CAPRIN1: variants seen among roughly 807,000 people sequenced by gnomAD.
CAPRIN1 encodes cell cycle associated protein 1.
CAPRIN1 carries 29 observed loss-of-function variants against 100.9 expected under a neutral mutation model. That is an observed-to-expected ratio of 0.29 (90% CI 0.21 to 0.39). The LOEUF (loss-of-function observed/expected upper bound fraction) is 0.39, where lower values mean the gene tolerates loss of function less well. Ranked by LOEUF, CAPRIN1 falls within the 10% of genes least tolerant of loss-of-function variation. CAPRIN1 has a pLI of 1.00. For synonymous variants in CAPRIN1, 338 were observed against 307.5 expected (o/e 1.10, Z -1.04); for missense variants, 795 against 876.7 (o/e 0.91, Z 1.18).
At chr11:34,057,640 T>G (rs951886030) in intron 2 of CAPRIN1, among the ~76,000 whole-genome samples, 1 of 152,192 alleles carries the variant, frequency 6.6e-6, no homozygotes, top group Non-Finnish European at 1.5e-5. Context: ...TGCAATACTT[T>G]TGCAAAAGGT....
intron 15 of CAPRIN1, among the ~76,000 whole-genome samples, chr11:34,092,337 C>T (rs1851279553): frequency 6.6e-6 from 1 of 150,398 alleles, no homozygotes; most frequent in Non-Finnish European, 1.5e-5. Flanking sequence ...AAATTTGTTA[C>T]TTGAATTACC....
intron 7 of CAPRIN1, among the ~76,000 whole-genome samples, chr11:34,081,483 G>A (rs1490343427): frequency 6.6e-6 from 1 of 151,148 alleles, no homozygotes; most frequent in East Asian, 1.9e-4. Context: ...ACAGGCATGA[G>A]CCACTGTGCC....
chr11:34,097,742 A>ACC lies in CAPRIN1; in HGVS notation c.2047_2048dup (p.Arg684HisfsTer21). 6.2e-7 allele frequency: 1 copy of ACC among 1,614,118 alleles called. No individual in the cohort carries two copies. The highest frequency in any genetic ancestry group is 8.5e-7 in the Non-Finnish European group (1 of 1,179,958). On this transcript the variant is annotated frameshift_variant, in exon 18 of 19. Coordinates refer to ENST00000341394, the MANE Select transcript of CAPRIN1 (RefSeq NM_005898.5). LOFTEE classifies it high-confidence loss of function. ...TCAAGCGAGGCTCTGGGCAGAGTGG[A>ACC]CCACGGGGAGCCCCACGAGGTAATA... is the stretch of plus-strand genomic sequence containing the variant.
intron 2 of CAPRIN1, among the ~76,000 whole-genome samples, chr11:34,064,327 CT>C (rs759718771): frequency 1.3e-4 from 20 of 152,178 alleles, no homozygotes; most frequent in Admixed American, 5.2e-4. Flanking sequence ...TTAGTTCATG[CT>C]GTAAATTTTA....
At position 34,076,303 on chromosome 11, in the gene CAPRIN1, G is replaced by A. The variant is rs199988323; in HGVS notation, c.434G>A (p.Arg145His). 3.8e-5 allele frequency: 62 copies of A among 1,614,088 alleles called. No individual in the cohort carries two copies. Among genetic ancestry groups the A allele is most frequent in the Non-Finnish European group, 4.6e-5 (54 of 1,180,042 alleles). ...QLMREEAEQK[R>H]LKTVLELQYV... The stretch of plus-strand genomic sequence containing the variant: ...ATGAGAGAAGAAGCTGAACAGAAAC[G>A]TTTAAAAACTGTACTTGAGCTACAG... The change falls in exon 5 of 19, where the codon CGT becomes CAT. Residue 145 changes from arginine to histidine, a missense_variant. Transcript: ENST00000341394.
At chr11:34,052,284 C>G in intron 1 of CAPRIN1, 137 bp from the exon 2 acceptor site, 3 of 720,834 alleles carry the variant, frequency 4.2e-6, no homozygotes, top group East Asian at 3.1e-5. Flanking sequence ...TCGAGGCGCG[C>G]CGCGCCCCCT....
chr11:34,079,903 A>G, intron 7 of CAPRIN1, 138 bp downstream of exon 7: 2 of 571,110 alleles, frequency 3.5e-6, no homozygotes, highest in Non-Finnish European at 5.4e-6. Flanking sequence ...AAGCATGACA[A>G]AGTTTTTTTT....
At chr11:34,063,236 A>T (rs766886309) in intron 2 of CAPRIN1, 1 of 152,186 alleles carries the variant, frequency 6.6e-6, no homozygotes, top group Non-Finnish European at 1.5e-5. Flanking sequence ...CTGATTGGAG[A>T]AAGGAAGAAA....
At chr11:34,072,061 T>C in intron 4 of CAPRIN1, 74 bp downstream of exon 4, 1 of 918,704 alleles carries the variant, frequency 1.1e-6, no homozygotes, top group Non-Finnish European at 1.7e-6. Flanking sequence ...TCCATTACTA[T>C]TGATAAGCTC....
Position 34,100,984 on chromosome 11 carries a change from CAA to C in CAPRIN1, c.*1620_*1621del. ...CAGTAGGTGCTCAGCTATTTAAAAA[CAA>C]AACTATTCTCAAACATTCATCATTA... On this transcript the variant is annotated 3_prime_UTR_variant, in exon 19 of 19. Transcript: ENST00000341394. 1 of 152,706 alleles carries C rather than the reference CAA, an allele frequency of 6.5e-6. No homozygotes were observed. Among genetic ancestry groups the C allele is most frequent in the Non-Finnish European group, 1.5e-5 (1 of 67,996 alleles). The allele number at this position is 152,706 out of a possible 1,614,324, so 9.5% of individuals were successfully genotyped here.
intron 7 of CAPRIN1, among the ~76,000 whole-genome samples, chr11:34,080,630 T>TA (rs2134116603): frequency 6.6e-6 from 1 of 152,364 alleles, no homozygotes; most frequent in African/African-American, 2.4e-5. Context: ...TGATAACTCT[T>TA]ATGTTGATGA....
Position 34,078,334 on chromosome 11 carries a change from C to T in CAPRIN1, c.689-1294C>T, listed in dbSNP as rs151087456. On this transcript the variant is annotated intron_variant, in intron 6 of 18. Transcript: ENST00000341394. ...TTTATTTTTCTTCACAGTGACCTAT[C>T]GGGGAGTGGCCCTACTATGTATCTA... is the stretch of plus-strand genomic sequence containing the variant. 6.1e-3 allele frequency among the ~76,000 whole-genome samples: 932 copies of T among 152,240 alleles called. 12 individuals are homozygous for T. The highest frequency in any genetic ancestry group is 0.021 in the African/African-American group (878 of 41,546).
chr11:34,081,070 A>C (rs1409855266), intron 7 of CAPRIN1, among the ~76,000 whole-genome samples: 3 of 152,230 alleles, frequency 2.0e-5, no homozygotes, highest in African/African-American at 4.8e-5. Flanking sequence ...TTGAACCTAA[A>C]GTAATTCTGG....
At chr11:34,076,785 G>GTGTA (rs1443437745) in intron 6 of CAPRIN1, 143 bp downstream of exon 6, 81 of 622,152 alleles carry the variant, frequency 1.3e-4, no homozygotes, top group Non-Finnish European at 5.6e-6. Context: ...CCAGGTTGGA[G>GTGTA]TGTAGTAGTG....
At chr11:34,054,354 T>A (rs1850403826) in intron 2 of CAPRIN1, among the ~76,000 whole-genome samples, 1 of 152,024 alleles carries the variant, frequency 6.6e-6, no homozygotes, top group Non-Finnish European at 1.5e-5. Flanking sequence ...AAATGTTGAA[T>A]GGAATAAGCA....
chr11:34,079,614 GTTC>G lies in CAPRIN1; in HGVS notation c.689-11_689-9del, dbSNP rs1160972036. The G allele has an allele frequency of 6.2e-7, 1 of 1,609,870 alleles. No homozygotes were observed. The highest frequency in any genetic ancestry group is 8.5e-7 in the Non-Finnish European group (1 of 1,176,662). On this transcript the variant is annotated splice_polypyrimidine_tract_variant and intron_variant, in intron 6 of 18. Transcript: ENST00000341394. ...AGATAAGTCTTACATTATAATTCAT[GTTC>G]TTTTTCTTAGATAAAGTTCTAAAGG...
intron 2 of CAPRIN1, chr11:34,053,119 A>G (rs1485336536): frequency 2.0e-6 from 2 of 997,622 alleles, no homozygotes; most frequent in Non-Finnish European, 1.2e-6. Flanking sequence ...CTCGGTTACC[A>G]TGCACTCGAG....
In CAPRIN1 at chr11:34,096,488, C is replaced by T; in HGVS notation, c.1715C>T (p.Thr572Ile). The change falls in exon 16 of 19, where the codon ACT (threonine) becomes ATT (isoleucine). Residue 572 changes from threonine (T) to isoleucine (I), a missense_variant. Thr to Ile is a moderately conservative substitution (Grantham distance 89). Coordinates refer to ENST00000341394, the MANE Select transcript of CAPRIN1 (RefSeq NM_005898.5). ...CTTTTTTAAATTATAGTGGTTGGCA[C>T]TTACCATGGTTCCCCAGACCAGTCC... is the stretch of plus-strand genomic sequence containing the variant. ...QQEQLQTVVG[T>I]YHGSPDQSHQ... 6 of 1,613,546 alleles carry T rather than the reference C, an allele frequency of 3.7e-6. No individual in the cohort carries two copies. Among genetic ancestry groups the T allele is most frequent in the Non-Finnish European group, 5.1e-6 (6 of 1,179,618 alleles).
intron 2 of CAPRIN1, chr11:34,052,917 G>A: frequency 7.7e-7 from 1 of 1,292,952 alleles, no homozygotes. Flanking sequence ...TTGGCCTTTA[G>A]GAGTGGGACA....
Sources: allele counts gnomAD v4.1 joint callset (sites outside exome capture counted in the v4.1 genomes callset), GRCh38; gene constraint gnomAD v4.1.1; transcripts MANE v1.5; gene names NCBI Gene and HGNC (gene_info 2026-07-23, HGNC 2026-07-21).